The following CDH18 variants were observed in gnomAD, a reference collection of about 807,000 sequenced individuals.
CDH18 encodes the protein cadherin 18.
CDH18 carries 31 observed loss-of-function variants against 67.9 expected under a neutral mutation model. The ratio of observed to expected loss-of-function variants is 0.46; its 90% confidence interval spans 0.34 to 0.62. The LOEUF (loss-of-function observed/expected upper bound fraction) is 0.62, where lower values mean the gene tolerates loss of function less well. Among genes scored for constraint, CDH18 ranks in the 20% least tolerant of loss-of-function variants. CDH18 has a pLI of 0.01. For missense variants in CDH18, 890 were observed against 975.5 expected, an observed-to-expected ratio of 0.91 and a Z score of 1.17; for synonymous variants, 362 against 347.2, an observed-to-expected ratio of 1.04 and a Z score of -0.48.
chr5:19,475,207 C>A (rs1198023218), intron 12 of CDH18, among the ~76,000 whole-genome samples: 1 of 151,774 alleles, frequency 6.6e-6, no homozygotes, highest in Non-Finnish European at 1.5e-5. Flanking sequence ...CACACACACA[C>A]ACACACACAC....
At chr5:20,040,634 TAG>T (rs1419443335) in intron 2 of CDH18, among the ~76,000 whole-genome samples, 7 of 152,130 alleles carry the variant, frequency 4.6e-5, no homozygotes, top group African/African-American at 1.7e-4. Flanking sequence ...GCAAAATATT[TAG>T]AGAGTATTGC....
chr5:20,025,849 T>A lies in CDH18; in HGVS notation c.-517-33835A>T, dbSNP rs572085915. On this transcript the variant is annotated intron_variant, in intron 2 of 14. Coordinates refer to the CDH18 transcript ENST00000507958. ...AGTCACCCAGCAAATTCTTTTTATA[T>A]CACAACTTTCTTCACATGCTTTTGC... Among the ~76,000 whole-genome samples, 42 of 152,348 alleles carry A rather than the reference T, an allele frequency of 2.8e-4. 2 individuals carry two copies. In the South Asian group the frequency reaches 8.5e-3, roughly 31 times the overall value.
At chr5:19,962,434 G>T in intron 2 of CDH18, among the ~76,000 whole-genome samples, 1 of 131,658 alleles carries the variant, frequency 7.6e-6, no homozygotes, top group African/African-American at 2.8e-5. Flanking sequence ...GACATATTTA[G>T]ACTCAGTATA....
chr5:20,300,501 G>A (rs962710198), intron 1 of CDH18, among the ~76,000 whole-genome samples: 4 of 151,986 alleles, frequency 2.6e-5, no homozygotes, highest in African/African-American at 9.7e-5. Context: ...GGCACGTTGT[G>A]GTTAGAATTG....
At chr5:20,544,645 C>T (rs1477085457) in intron 1 of CDH18, among the ~76,000 whole-genome samples, 2 of 152,084 alleles carry the variant, frequency 1.3e-5, no homozygotes, top group African/African-American at 4.8e-5. Context: ...CTCACTATCA[C>T]CAGAACAGCA....
At chr5:20,512,015 G>GT (rs1755066158) in intron 1 of CDH18, among the ~76,000 whole-genome samples, 1 of 152,100 alleles carries the variant, frequency 6.6e-6, no homozygotes, top group African/African-American at 2.4e-5. Context: ...GAGGTCAGGA[G>GT]TTCAAGACCA....
chr5:19,581,470 G>T (rs567986120), intron 7 of CDH18, among the ~76,000 whole-genome samples: 1 of 151,652 alleles, frequency 6.6e-6, no homozygotes, highest in South Asian at 2.1e-4. Context: ...TTCTTCTCTG[G>T]AACTATATAA....
intron 2 of CDH18, among the ~76,000 whole-genome samples, chr5:20,242,618 A>ACATATATATATATATACATG (rs1561905923): frequency 1.6e-5 from 2 of 124,098 alleles, no homozygotes; most frequent in African/African-American, 6.9e-5. Flanking sequence ...AAAAATATAT[A>ACATATATATATATATACATG]TATATATATA....
At chr5:20,337,446 C>T (rs1368576725) in intron 1 of CDH18, among the ~76,000 whole-genome samples, 1 of 152,122 alleles carries the variant, frequency 6.6e-6, no homozygotes, top group African/African-American at 2.4e-5. Context: ...TTGTCTGTTG[C>T]CAGATACCCT....
intron 1 of CDH18, among the ~76,000 whole-genome samples, chr5:20,366,342 T>C (rs776467189): frequency 4.6e-5 from 7 of 152,210 alleles, no homozygotes; most frequent in Non-Finnish European, 8.8e-5. Context: ...TGAGTATCTT[T>C]TGAGTCTGTT....
intron 1 of CDH18, among the ~76,000 whole-genome samples, chr5:20,417,807 C>T (rs536128358): frequency 1.3e-5 from 2 of 152,232 alleles, no homozygotes; most frequent in South Asian, 4.1e-4. Flanking sequence ...TCAAAGGATA[C>T]ACTAGGAATC....
chr5:20,512,917 T>C (rs1441056438), intron 1 of CDH18, among the ~76,000 whole-genome samples: 5 of 151,364 alleles, frequency 3.3e-5, no homozygotes, highest in Admixed American at 3.3e-4. Context: ...TCAGCTCTGA[T>C]GCTTGTCCTC....
At chr5:19,643,483 A>C (rs1754320690) in intron 5 of CDH18, among the ~76,000 whole-genome samples, 1 of 152,190 alleles carries the variant, frequency 6.6e-6, no homozygotes, top group Admixed American at 6.5e-5. Flanking sequence ...TATGCAATGA[A>C]GTGTTATTCA....
chr5:20,249,445 C>T (rs1203601352), intron 2 of CDH18, among the ~76,000 whole-genome samples: 2 of 146,350 alleles, frequency 1.4e-5, no homozygotes, highest in African/African-American at 5.0e-5. Context: ...TTCAGTGGCG[C>T]GATATTGGCT....
At chr5:19,669,514 C>T (rs1374325675) in intron 5 of CDH18, among the ~76,000 whole-genome samples, 1 of 151,916 alleles carries the variant, frequency 6.6e-6, no homozygotes, top group Non-Finnish European at 1.5e-5. Flanking sequence ...TGGTCTCAAA[C>T]TCCTGACCTC....
intron 2 of CDH18, among the ~76,000 whole-genome samples, chr5:19,974,878 G>C (rs1369139327): frequency 6.6e-6 from 1 of 152,104 alleles, no homozygotes; most frequent in Non-Finnish European, 1.5e-5. Context: ...GGATGGAAGA[G>C]GAAAGCTGGG....
intron 2 of CDH18, among the ~76,000 whole-genome samples, chr5:20,221,673 A>G (rs541143818): frequency 1.1e-4 from 17 of 152,270 alleles, no homozygotes; most frequent in African/African-American, 3.6e-4. Flanking sequence ...TGGATACCCA[A>G]TTTACCTAAT....
chr5:20,427,044 A>T (rs1461370516), intron 1 of CDH18, among the ~76,000 whole-genome samples: 1 of 151,242 alleles, frequency 6.6e-6, no homozygotes, highest in Admixed American at 6.6e-5. Flanking sequence ...TTACTCATTA[A>T]GTGGCAGATT....
chr5:20,292,054 C>T (rs538256128), intron 1 of CDH18, among the ~76,000 whole-genome samples: 17 of 152,224 alleles, frequency 1.1e-4, no homozygotes, highest in African/African-American at 3.4e-4. Context: ...GTGGCCTCCT[C>T]GGCTGAGCAC....
Sources: gnomAD v4.1 joint callset for allele counts (sites outside exome capture counted in the v4.1 genomes callset) on GRCh38, gnomAD v4.1.1 for gene constraint, MANE v1.5 for transcripts, NCBI Gene and HGNC (gene_info 2026-07-23, HGNC 2026-07-21) for gene names.